OSBPL10: variants seen among roughly 807,000 people sequenced by gnomAD.
The protein encoded by OSBPL10 is oxysterol-binding protein-related protein 10.
A neutral mutation model predicts 81.7 loss-of-function variants in OSBPL10; 49 were observed. That is an observed-to-expected ratio of 0.60 (90% CI 0.48 to 0.76). OSBPL10 has a LOEUF of 0.76. OSBPL10 is among the 30% of genes least tolerant of loss of function. The probability of loss-of-function intolerance (pLI) is 0.00; values close to 1 mark genes in which losing one functional copy is unlikely to be tolerated. For missense variants in OSBPL10, 923 were observed against 987.8 expected (o/e 0.93, Z 0.88); for synonymous variants, 419 against 383.6 (o/e 1.09, Z -1.08).
At chr3:31,848,370 C>T (rs1022120352) in intron 3 of OSBPL10, among the ~76,000 whole-genome samples, 11 of 151,784 alleles carry the variant, frequency 7.2e-5, no homozygotes, top group South Asian at 4.2e-4. Context: ...TACAGACATA[C>T]GGCAAGTTCA....
chr3:31,712,512 AATATAG>A (rs572342398), intron 6 of OSBPL10, among the ~76,000 whole-genome samples: 5 of 152,326 alleles, frequency 3.3e-5, no homozygotes, highest in African/African-American at 1.2e-4. Context: ...CAGGAAGAGG[AATATAG>A]ATGCAACGTT....
rs575454675 is a variant in OSBPL10, at chr3:31,992,257, T to C, written n.298+54234A>G. Among the ~76,000 whole-genome samples the C allele has an allele frequency of 8.5e-5, 13 of 152,278 alleles. No individual in the cohort carries two copies. In the South Asian group the frequency reaches 2.3e-3, roughly 27 times the overall value. ...AATAGTTTCATATGAATATAGTCAC[T>C]TGATTTTGACAGAAATGCAAAGGCA... On this transcript the variant is annotated intron_variant and non_coding_transcript_variant, in intron 2 of 3. Transcript: ENST00000479173.
At chr3:32,009,890 G>C (rs996628927) in intron 2 of OSBPL10, among the ~76,000 whole-genome samples, 1 of 152,206 alleles carries the variant, frequency 6.6e-6, no homozygotes, top group African/African-American at 2.4e-5. Context: ...TCTAGAAAAT[G>C]CTTTATGGCC....
chr3:31,853,318 C>T (rs933390491), intron 3 of OSBPL10, among the ~76,000 whole-genome samples: 1 of 152,096 alleles, frequency 6.6e-6, no homozygotes, highest in African/African-American at 2.4e-5. Flanking sequence ...GTATCCTAAC[C>T]CTCAGTGTAG....
chr3:31,730,433 A>G (rs1306369227), intron 6 of OSBPL10, among the ~76,000 whole-genome samples: 2 of 152,120 alleles, frequency 1.3e-5, no homozygotes, highest in Non-Finnish European at 2.9e-5. Flanking sequence ...GTCCTAAAGT[A>G]AGGCATACAT....
intron 2 of OSBPL10, among the ~76,000 whole-genome samples, chr3:31,987,073 T>C (rs1430209709): frequency 6.6e-6 from 1 of 151,536 alleles, no homozygotes; most frequent in Non-Finnish European, 1.5e-5. Flanking sequence ...TATATGTGTA[T>C]ATATACTTTT....
chr3:31,985,154 G>A (rs1200439468), upstream of OSBPL10, among the ~76,000 whole-genome samples: 3 of 152,162 alleles, frequency 2.0e-5, no homozygotes, highest in African/African-American at 4.8e-5. Flanking sequence ...CAGGAAAATC[G>A]CTTGAACCCA....
At chr3:31,674,715 A>T (rs1700419643) in intron 8 of OSBPL10, among the ~76,000 whole-genome samples, 1 of 152,120 alleles carries the variant, frequency 6.6e-6, no homozygotes, top group Admixed American at 6.5e-5. Context: ...TTCCACCACG[A>T]GTGGATGTAG....
chr3:31,864,931 G>C (rs1375335620), intron 3 of OSBPL10, among the ~76,000 whole-genome samples: 1 of 152,064 alleles, frequency 6.6e-6, no homozygotes, highest in African/African-American at 2.4e-5. Context: ...CCGGACCACA[G>C]AGAACATTAG....
intron 3 of OSBPL10, among the ~76,000 whole-genome samples, chr3:31,838,732 T>A (rs1210991429): frequency 6.6e-6 from 1 of 151,650 alleles, no homozygotes; most frequent in African/African-American, 2.4e-5. Context: ...TCGAAAAAAA[T>A]TACTTTTTAA....
intron 9 of OSBPL10, 40 bp downstream of exon 9, chr3:31,670,757 T>C (rs776916748): frequency 1.3e-6 from 2 of 1,557,778 alleles, no homozygotes; most frequent in South Asian, 1.2e-5. Flanking sequence ...TCAGGGCATC[T>C]TGTTAAGACA....
chr3:31,820,785 G>A (rs1251768254), intron 4 of OSBPL10, among the ~76,000 whole-genome samples: 1 of 152,130 alleles, frequency 6.6e-6, no homozygotes, highest in Admixed American at 6.5e-5. Flanking sequence ...CTCCTAAGGA[G>A]ATGGTGCAAG....
chr3:31,826,583 C>G (rs1333514800), intron 4 of OSBPL10, among the ~76,000 whole-genome samples: 1 of 152,164 alleles, frequency 6.6e-6, no homozygotes, highest in Non-Finnish European at 1.5e-5. Context: ...GCACATCTGT[C>G]TTGTGTATGA....
intron 3 of OSBPL10, among the ~76,000 whole-genome samples, chr3:31,841,576 A>G (rs1700499622): frequency 6.6e-6 from 1 of 152,250 alleles, no homozygotes; most frequent in Non-Finnish European, 1.5e-5. Context: ...TCAGGATTTC[A>G]GGTAGCAGAG....
intron 2 of OSBPL10, among the ~76,000 whole-genome samples, chr3:32,002,718 A>C (rs189667973): frequency 6.6e-6 from 1 of 152,366 alleles, no homozygotes; most frequent in Admixed American, 6.5e-5. Context: ...AAGGTTTCTC[A>C]GTGAGTCAGA....
rs778215663 is a variant in OSBPL10 at position 31,702,424 on chromosome 3, C to T, written c.1180G>A (p.Glu394Lys). The change falls in exon 7 of 12, where the codon GAG becomes AAG. Residue 394 changes from glutamate to lysine, a missense_variant. Physicochemically the swap from Glu to Lys is moderately conservative, Grantham distance 56 (BLOSUM62 1). This residue lies in a region of OSBPL10 where 514 missense variants were observed against 508.0 expected (regional missense o/e 1.01). Coordinates refer to ENST00000396556, the MANE Select transcript of OSBPL10 (RefSeq NM_017784.5). ...TGAAGAATTATACTACGCTGATCCT[C>T]CATGACGCCCAATTCCGTCTCTTCC... ...DKEETELGVMEDQRSIILHLI... is the reference protein window; with the variant it reads ...DKEETELGVMKDQRSIILHLI... 1.2e-6 allele frequency: 2 copies of T among 1,614,198 alleles called. No homozygotes were observed. Among genetic ancestry groups the T allele is most frequent in the Admixed American group, 3.3e-5 (2 of 60,024 alleles).
intron 1 of OSBPL10, among the ~76,000 whole-genome samples, chr3:31,908,773 T>C (rs1250607671): frequency 6.6e-6 from 1 of 152,214 alleles, no homozygotes; most frequent in Non-Finnish European, 1.5e-5. Flanking sequence ...ATTTTTTAAG[T>C]ACCTGGAGAT....
chr3:31,733,165 CAA>C (rs1440399626), intron 6 of OSBPL10, 90 bp downstream of exon 6: 32 of 1,526,904 alleles, frequency 2.1e-5, no homozygotes, highest in African/African-American at 5.8e-5. Context: ...CCTCTTAAAA[CAA>C]AGAGATGAGC....
At chr3:32,076,848 G>T (rs1044023900) in intron 1 of OSBPL10, among the ~76,000 whole-genome samples, 1 of 152,014 alleles carries the variant, frequency 6.6e-6, no homozygotes, top group South Asian at 2.1e-4. Flanking sequence ...CTGGGTTGGG[G>T]CCACAAGGTC....
Sources: gnomAD v4.1 joint callset for allele counts (sites outside exome capture counted in the v4.1 genomes callset) on GRCh38, gnomAD v4.1.1 for gene constraint, gnomAD v4.1.1 regional missense constraint, MANE v1.5 for transcripts, NCBI Gene and HGNC (gene_info 2026-07-23, HGNC 2026-07-21) for gene names.